The following RGPD4 variants were observed in gnomAD, a reference collection of about 807,000 sequenced individuals.
The protein encoded by RGPD4 is ranBP2-like and GRIP domain-containing protein 4.
In RGPD4, 84 loss-of-function variants were observed where a neutral mutation model predicts 141.1. That is an observed-to-expected ratio of 0.60 (90% CI 0.50 to 0.71). The LOEUF is 0.71. RGPD4 is among the 30% of genes least tolerant of loss of function. RGPD4 has a pLI of 0.00. For missense variants in RGPD4, 918 were observed against 1,622.4 expected (o/e 0.57, Z 7.46); for synonymous variants, 298 against 566.8 (o/e 0.53, Z 6.74).
chr2:107,879,933 T>A lies in RGPD4; in HGVS notation c.4925-35T>A, dbSNP rs757830517. On this transcript the variant is annotated intron_variant, in intron 20 of 22. Transcript: ENST00000408999. ...TAGAATCTTCATCTGTAATGTATGA[T>A]TTTGAAAATTAATTCTTGGAACAAC... is the stretch of plus-strand genomic sequence containing the variant. 1.9e-5 allele frequency: 30 copies of A among 1,609,928 alleles called. 1 individual carries two copies. In the Admixed American group the frequency reaches 5.0e-4, roughly 27 times the overall value.
intron 21 of RGPD4, among the ~76,000 whole-genome samples, chr2:107,881,431 C>T (rs935740600): frequency 6.6e-6 from 1 of 151,892 alleles, no homozygotes; most frequent in Non-Finnish European, 1.5e-5. Flanking sequence ...GATTCCCCTG[C>T]CTCAGCCTCC....
At chr2:107,879,834 A>G in intron 20 of RGPD4, 134 bp from the exon 21 acceptor site, 3 of 1,163,038 alleles carry the variant, frequency 2.6e-6, no homozygotes, top group Non-Finnish European at 3.6e-6. Flanking sequence ...GGTATGCCGA[A>G]TAGATGAATG....
intron 22 of RGPD4, among the ~76,000 whole-genome samples, chr2:107,884,988 TA>T (rs1253978122): frequency 6.6e-6 from 1 of 151,870 alleles, no homozygotes; most frequent in Non-Finnish European, 1.5e-5. Flanking sequence ...TCTGGTTTTT[TA>T]TAATCTTTCT....
intron 20 of RGPD4, among the ~76,000 whole-genome samples, chr2:107,878,479 A>C (rs1195433081): frequency 6.6e-6 from 1 of 151,604 alleles, no homozygotes; most frequent in Non-Finnish European, 1.5e-5. Flanking sequence ...TCCCGAAACT[A>C]AACTTGGTCT....
rs1425735494 is a variant in RGPD4 at position 107,871,216 on chromosome 2, A to G, written c.3212A>G (p.Asp1071Gly). ...YSQGVKLFRF[D>G]AEVRQWKERG... ...CAGGGGGTAAAACTATTTAGATTTG[A>G]TGCTGAGGTAAGGCAGTGGAAAGAA... The change falls in exon 20 of 23, where the codon GAT (aspartate) becomes GGT (glycine). Residue 1071 changes from aspartate to glycine, a missense_variant. By Grantham distance (94) the Asp-to-Gly change is moderately conservative. Coordinates refer to ENST00000408999, the MANE Select transcript of RGPD4 (RefSeq NM_182588.3). 6.2e-7 allele frequency: 1 copy of G among 1,609,600 alleles called. No homozygotes were observed. The highest frequency in any genetic ancestry group is 1.4e-5 in the African/African-American group (1 of 73,356).
chr2:107,873,595 AAAAAAT>A, intron 20 of RGPD4, among the ~76,000 whole-genome samples: 1 of 129,344 alleles, frequency 7.7e-6, no homozygotes, highest in Non-Finnish European at 1.7e-5. Flanking sequence ...AAAAAAAAAA[AAAAAAT>A]ATGATATTGA....
At position 107,826,949 on chromosome 2, in the gene RGPD4, A is replaced by G; in HGVS notation, c.-65A>G. 3 of 1,554,580 alleles carry G rather than the reference A, an allele frequency of 1.9e-6. No individual in the cohort carries two copies. Among genetic ancestry groups the G allele is most frequent in the Non-Finnish European group, 2.6e-6 (3 of 1,149,958 alleles). ...TGGCTTTCAGGCGCTTTCCTGTTGGAATTGGCGACTGCTGCGGGGCTGAGC... is the reference window on the plus strand; with the variant it reads ...TGGCTTTCAGGCGCTTTCCTGTTGGGATTGGCGACTGCTGCGGGGCTGAGC... On this transcript the variant is annotated 5_prime_UTR_variant, in exon 1 of 23. Transcript: ENST00000408999.
At chr2:107,877,563 T>G (rs1683124210) in intron 20 of RGPD4, among the ~76,000 whole-genome samples, 1 of 151,318 alleles carries the variant, frequency 6.6e-6, no homozygotes, top group South Asian at 2.1e-4. Flanking sequence ...CCAAGCAGAT[T>G]TCAGCAAGTG....
At position 107,872,090 on chromosome 2, in the gene RGPD4, A is replaced by G. The variant is rs1682944990; in HGVS notation, c.4086A>G (p.Ala1362=). ...AAAAAGTTGTTTTTAGTCACAGGGCAGAACTCTACAGATATGATAAAGATG... is the reference window on the plus strand; with the variant it reads ...AAAAAGTTGTTTTTAGTCACAGGGCGGAACTCTACAGATATGATAAAGATG... ...ENEKVVFSHR[A]ELYRYDKDVG... The change falls in exon 20 of 23, where the codon GCA becomes GCG. Residue 1362 remains alanine (A), a synonymous_variant. Transcript: ENST00000408999. The G allele has an allele frequency of 7.4e-6, 12 of 1,611,524 alleles. No homozygotes were observed. Among genetic ancestry groups the G allele is most frequent in the Non-Finnish European group, 7.6e-6 (9 of 1,179,860 alleles).
At chr2:107,846,210 G>C (rs1348157133) in intron 6 of RGPD4, among the ~76,000 whole-genome samples, 4 of 150,412 alleles carry the variant, frequency 2.7e-5, no homozygotes, top group Admixed American at 2.6e-4. Flanking sequence ...ACAGGCATGA[G>C]CCACCGCGCC....
In RGPD4 at chr2:107,826,972, A is replaced by C. The variant is rs1681204149; in HGVS notation, c.-42A>C. 6.3e-7 allele frequency: 1 copy of C among 1,576,424 alleles called. No individual in the cohort carries two copies. The highest frequency in any genetic ancestry group is 1.8e-5 in the Admixed American group (1 of 54,290). ...GGAATTGGCGACTGCTGCGGGGCTGAGCGCTGGTTTCACGCGTCTCGGGAG... is the reference window on the plus strand; with the variant it reads ...GGAATTGGCGACTGCTGCGGGGCTGCGCGCTGGTTTCACGCGTCTCGGGAG... On this transcript the variant is annotated 5_prime_UTR_variant, in exon 1 of 23. Coordinates refer to ENST00000408999, the MANE Select transcript of RGPD4 (RefSeq NM_182588.3).
chr2:107,872,028 C>A lies in RGPD4; in HGVS notation c.4024C>A (p.Pro1342Thr), dbSNP rs1398707159. The change falls in exon 20 of 23, where the codon CCT (proline) becomes ACT (threonine). Residue 1342 changes from proline to threonine, a missense_variant. Physicochemically the swap from Pro to Thr is conservative, Grantham distance 38. Transcript: ENST00000408999. ...GQYFEPVVPL[P>T]DLVEVSSGEE... ...GTACTTTGAACCTGTTGTTCCTTTACCTGATCTAGTTGAAGTATCCAGTGG... is the reference window on the plus strand; with the variant it reads ...GTACTTTGAACCTGTTGTTCCTTTAACTGATCTAGTTGAAGTATCCAGTGG... 1 of 1,611,148 alleles carries A rather than the reference C, an allele frequency of 6.2e-7. No homozygotes were observed. Among genetic ancestry groups the A allele is most frequent in the Non-Finnish European group, 8.5e-7 (1 of 1,179,810 alleles).
intron 6 of RGPD4, among the ~76,000 whole-genome samples, chr2:107,845,777 G>T (rs1681908959): frequency 6.6e-6 from 1 of 152,024 alleles, no homozygotes; most frequent in South Asian, 2.1e-4. Flanking sequence ...TGTTAGCCAG[G>T]ATGGTCTCGA....
chr2:107,829,554 C>A (rs1006632229), intron 1 of RGPD4, among the ~76,000 whole-genome samples: 1 of 147,928 alleles, frequency 6.8e-6, no homozygotes, highest in Middle Eastern at 3.6e-3. Context: ...CCTGGCCCGG[C>A]GGCGGCCTCG....
intron 20 of RGPD4, 93 bp from the exon 21 acceptor site, chr2:107,879,875 T>G (rs1675296670): frequency 1.4e-6 from 2 of 1,459,536 alleles, no homozygotes; most frequent in South Asian, 2.6e-5. Context: ...AAATATCACA[T>G]AGTAAGATAT....
chr2:107,869,803 T>C (rs542041072), intron 18 of RGPD4, 80 bp from the exon 19 acceptor site: 39 of 1,518,642 alleles, frequency 2.6e-5, no homozygotes, highest in Non-Finnish European at 3.2e-5. Flanking sequence ...TGCTTTTGTA[T>C]TTGTAGCTCT....
intron 18 of RGPD4, 31 bp from the exon 19 acceptor site, chr2:107,869,852 T>C: frequency 6.7e-7 from 1 of 1,500,546 alleles, no homozygotes. Flanking sequence ...ACTTTAACAG[T>C]GTTTTCTTTC....
intron 20 of RGPD4, among the ~76,000 whole-genome samples, chr2:107,876,398 C>T (rs1392484481): frequency 2.0e-5 from 3 of 151,138 alleles, no homozygotes; most frequent in Non-Finnish European, 4.4e-5. Context: ...TGACACATGT[C>T]CTAATTCTGG....
At chr2:107,885,881 C>A (rs1480424623) in intron 22 of RGPD4, among the ~76,000 whole-genome samples, 1 of 151,596 alleles carries the variant, frequency 6.6e-6, no homozygotes, top group South Asian at 2.1e-4. Context: ...GGTGAAACCC[C>A]GTCTCTACTC....
Sources: allele counts gnomAD v4.1 joint callset (sites outside exome capture counted in the v4.1 genomes callset), GRCh38; gene constraint gnomAD v4.1.1; transcripts MANE v1.5; gene names NCBI Gene and HGNC (gene_info 2026-07-23, HGNC 2026-07-21).